TECPR2: variants seen among roughly 807,000 people sequenced by gnomAD.
TECPR2 encodes tectonin beta-propeller repeat-containing protein 2.
In TECPR2, 65 loss-of-function variants were observed where a neutral mutation model predicts 138.1. The observed-to-expected ratio is 0.47, with a 90% CI of 0.39 to 0.58. The LOEUF is 0.58. TECPR2 is among the 20% of genes least tolerant of loss of function. The pLI, the probability that TECPR2 is intolerant of heterozygous loss-of-function variation, is 0.00. For missense variants in TECPR2, 1,553 were observed against 1,824.5 expected (o/e 0.85, Z 2.71); for synonymous variants, 746 against 749.8 (o/e 0.99, Z 0.08).
chr14:102,437,284 C>T (rs1368378630), intron 9 of TECPR2: 12 of 819,702 alleles, frequency 1.5e-5, no homozygotes, highest in Middle Eastern at 6.1e-4. Context: ...CAGTGGCTCA[C>T]GCCTGTAATC....
intron 2 of TECPR2, among the ~76,000 whole-genome samples, chr14:102,385,824 T>C (rs1202509000): frequency 6.6e-6 from 1 of 151,802 alleles, no homozygotes; most frequent in African/African-American, 2.4e-5. Context: ...TAGTCCCAGC[T>C]ACTCAGGAGG....
intron 16 of TECPR2, among the ~76,000 whole-genome samples, chr14:102,456,327 T>C (rs1890276102): frequency 6.6e-6 from 1 of 152,212 alleles, no homozygotes; most frequent in Non-Finnish European, 1.5e-5. Context: ...CCCTGAACTT[T>C]AGATTTTGTT....
At chr14:102,418,067 G>A (rs368007085) in intron 5 of TECPR2, among the ~76,000 whole-genome samples, 29 of 152,256 alleles carry the variant, frequency 1.9e-4, no homozygotes, top group African/African-American at 7.0e-4. Context: ...TGGACATAAG[G>A]GGTTTGACGG....
chr14:102,435,050 C>T lies in TECPR2; in HGVS notation c.2233C>T (p.Arg745Trp), dbSNP rs754198346. 18 of 1,613,946 alleles carry T rather than the reference C, an allele frequency of 1.1e-5. No homozygotes were observed. The Admixed American group carries it at 1.2e-4, about 10-fold the overall frequency. Residue 745 changes from arginine (R) to tryptophan (W), a missense_variant, in exon 9 of 20, where the codon CGG (arginine) becomes TGG (tryptophan). Coordinates refer to ENST00000359520, the MANE Select transcript of TECPR2 (RefSeq NM_014844.5). The part of the protein sequence containing the change: ...THKPWLEQPP[R>W]DQTLTSSDEE... ...CAAGCCCTGGCTTGAGCAGCCTCCA[C>T]GGGATCAGACATTGACGTCCAGCGA...
At chr14:102,401,627 C>T (rs1425692123) in intron 2 of TECPR2, among the ~76,000 whole-genome samples, 1 of 150,580 alleles carries the variant, frequency 6.6e-6, no homozygotes, top group Non-Finnish European at 1.5e-5. Flanking sequence ...AAAAGTGGAA[C>T]CCTGTCTCTA....
At chr14:102,468,227 G>C (rs542812497) in intron 17 of TECPR2, among the ~76,000 whole-genome samples, 9 of 152,076 alleles carry the variant, frequency 5.9e-5, no homozygotes, top group African/African-American at 1.7e-4. Context: ...TTGCTCTGTC[G>C]CCCAGGCTGG....
chr14:102,372,133 C>T (rs1353497459), intron 1 of TECPR2, among the ~76,000 whole-genome samples: 3 of 152,036 alleles, frequency 2.0e-5, no homozygotes, highest in Admixed American at 2.0e-4. Flanking sequence ...GTATTTTTTG[C>T]AGAGTCAGGA....
At chr14:102,466,554 A>G (rs1243090950) in intron 17 of TECPR2, among the ~76,000 whole-genome samples, 2 of 152,162 alleles carry the variant, frequency 1.3e-5, no homozygotes, top group Non-Finnish European at 2.9e-5. Context: ...TAGTTTCATT[A>G]TTGTCCTTAA....
intron 1 of TECPR2, among the ~76,000 whole-genome samples, chr14:102,367,868 T>G (rs536053650): frequency 6.6e-6 from 1 of 152,220 alleles, no homozygotes; most frequent in African/African-American, 2.4e-5. Context: ...TGTATACAGT[T>G]TTTTCCACAT....
intron 13 of TECPR2, 146 bp downstream of exon 13, chr14:102,446,093 A>C: frequency 8.9e-7 from 1 of 1,122,378 alleles, no homozygotes; most frequent in Non-Finnish European, 1.2e-6. Context: ...TTGAAACAAG[A>C]TCTCCTTCCG....
chr14:102,405,498 CAAAAA>C (rs34432416), intron 2 of TECPR2, among the ~76,000 whole-genome samples: 3 of 150,434 alleles, frequency 2.0e-5, no homozygotes, highest in African/African-American at 7.3e-5. Flanking sequence ...TGGCTACTGT[CAAAAA>C]AAAGAAAAAA....
Position 102,407,346 on chromosome 14 carries a change from G to A in TECPR2, c.228G>A (p.Thr76=), listed in dbSNP as rs750030334. 9 of 1,602,678 alleles carry A rather than the reference G, an allele frequency of 5.6e-6. No homozygotes were observed. Among genetic ancestry groups the A allele is most frequent in the African/African-American group, 5.4e-5 (4 of 74,272 alleles). Residue 76 remains threonine (T), a synonymous_variant, in exon 3 of 20, where the codon ACG becomes ACA. Transcript: ENST00000359520. ...TTTCAACGTTTCCCCAGGGGAAGACGGAATCTATCACTGTGGTGAAGCTGC... is the reference window on the plus strand; with the variant it reads ...TTTCAACGTTTCCCCAGGGGAAGACAGAATCTATCACTGTGGTGAAGCTGC... The part of the protein sequence containing the change: ...QMRKYNFEGK[T]ESITVVKLLS...
Position 102,443,194 on chromosome 14 carries a change from T to G in TECPR2, c.2753-453T>G, listed in dbSNP as rs1442777189. On this transcript the variant is annotated intron_variant, in intron 11 of 19. Coordinates refer to ENST00000359520, the MANE Select transcript of TECPR2 (RefSeq NM_014844.5). The surrounding 1 kb of genome is among the most constrained non-coding windows in gnomAD (Gnocchi z 4.9). ...AGCCTTTGGGCCTCCATCTGGCCAC[T>G]CTCCTGCTCTTGGCTTTTGTGTTCT... 6.6e-6 allele frequency among the ~76,000 whole-genome samples: 1 copy of G among 152,258 alleles called. No individual in the cohort carries two copies. Among genetic ancestry groups the G allele is most frequent in the Non-Finnish European group, 1.5e-5 (1 of 68,044 alleles).
intron 7 of TECPR2, among the ~76,000 whole-genome samples, chr14:102,429,983 T>C (rs1364338809): frequency 6.6e-6 from 1 of 152,132 alleles, no homozygotes; most frequent in Non-Finnish European, 1.5e-5. Context: ...ATTTTATTTT[T>C]TGAGACAGAG....
intron 1 of TECPR2, 22 bp from the exon 2 acceptor site, chr14:102,376,628 A>C: frequency 8.8e-7 from 1 of 1,142,206 alleles, no homozygotes. Flanking sequence ...CATTGAAAGG[A>C]TTGTAATGCT....
At chr14:102,488,743 A>G (rs942121539) in intron 17 of TECPR2, among the ~76,000 whole-genome samples, 2 of 151,860 alleles carry the variant, frequency 1.3e-5, no homozygotes, top group East Asian at 3.9e-4. Flanking sequence ...CTGCAAAACT[A>G]TAGTACACTG....
At chr14:102,494,593 C>T (rs1326592680) in intron 17 of TECPR2, among the ~76,000 whole-genome samples, 2 of 150,972 alleles carry the variant, frequency 1.3e-5, no homozygotes, top group East Asian at 2.0e-4. Flanking sequence ...TTTGGGAGGC[C>T]GAGGTGGGCG....
intron 14 of TECPR2, 59 bp downstream of exon 14, chr14:102,449,928 A>G (rs1414261883): frequency 2.5e-5 from 40 of 1,586,368 alleles, no homozygotes; most frequent in African/African-American, 4.1e-5. Context: ...TTTAAAGCCA[A>G]CATTTAAAGA....
chr14:102,495,029 A>C (rs1891244656), intron 17 of TECPR2, among the ~76,000 whole-genome samples: 1 of 152,098 alleles, frequency 6.6e-6, no homozygotes, highest in African/African-American at 2.4e-5. Context: ...CCTGGGCAAC[A>C]TGGTGAAACC....
Sources: allele counts gnomAD v4.1 joint callset (sites outside exome capture counted in the v4.1 genomes callset), GRCh38; gene constraint gnomAD v4.1.1; non-coding constraint Gnocchi (gnomAD v3.1); transcripts MANE v1.5; gene names NCBI Gene and HGNC (gene_info 2026-07-23, HGNC 2026-07-21).